Variants in TBL1XR1 observed in about 807,000 individuals in gnomAD.
TBL1XR1 encodes F-box-like/WD repeat-containing protein TBL1XR1.
In TBL1XR1, 5 loss-of-function variants were observed where a neutral mutation model predicts 66.9. The observed-to-expected ratio is 0.07, with a 90% CI of 0.04 to 0.16. The LOEUF (loss-of-function observed/expected upper bound fraction) is 0.16. Ranked by LOEUF, TBL1XR1 falls within the 10% of genes least tolerant of loss-of-function variation. The probability of loss-of-function intolerance (pLI) is 1.00; values close to 1 mark genes in which losing one functional copy is unlikely to be tolerated. For missense variants in TBL1XR1, 238 were observed against 623.2 expected (o/e 0.38, Z 6.58); for synonymous variants, 210 against 206.0 (o/e 1.02, Z -0.17).
At chr3:177,053,367 A>C (rs1379597392) in intron 4 of TBL1XR1, among the ~76,000 whole-genome samples, 1 of 152,160 alleles carries the variant, frequency 6.6e-6, no homozygotes, top group East Asian at 1.9e-4. Context: ...AGCCAAACAA[A>C]CTACTCACAT....
chr3:177,168,259 A>C (rs1733058216), intron 1 of TBL1XR1, among the ~76,000 whole-genome samples: 1 of 151,022 alleles, frequency 6.6e-6, no homozygotes, highest in African/African-American at 2.4e-5. Context: ...AAGAATCAAC[A>C]TGGAAGAAAA....
intron 2 of TBL1XR1, among the ~76,000 whole-genome samples, chr3:177,071,243 A>C (rs1351299517): frequency 6.6e-6 from 1 of 152,028 alleles, no homozygotes; most frequent in Admixed American, 6.6e-5. Flanking sequence ...AAGAATCTCA[A>C]AGAGTGGAAC....
At chr3:177,155,025 C>A (rs1480967342) in intron 1 of TBL1XR1, among the ~76,000 whole-genome samples, 1 of 151,866 alleles carries the variant, frequency 6.6e-6, no homozygotes, top group Non-Finnish European at 1.5e-5. Flanking sequence ...AACAAAGGCT[C>A]AAAGAAGAAA....
At chr3:177,184,809 A>T (rs1330331944) in intron 1 of TBL1XR1, among the ~76,000 whole-genome samples, 1 of 152,142 alleles carries the variant, frequency 6.6e-6, no homozygotes, top group Non-Finnish European at 1.5e-5. Context: ...TCAAAAAAAA[A>T]AAAAAATCAT....
intron 1 of TBL1XR1, among the ~76,000 whole-genome samples, chr3:177,129,793 G>A (rs1187636857): frequency 6.6e-6 from 1 of 152,102 alleles, no homozygotes; most frequent in East Asian, 1.9e-4. Flanking sequence ...ACACACTGGT[G>A]GTAGAAATAT....
intron 1 of TBL1XR1, among the ~76,000 whole-genome samples, chr3:177,143,733 A>T (rs1251891300): frequency 1.3e-5 from 2 of 152,244 alleles, no homozygotes; most frequent in African/African-American, 4.8e-5. Flanking sequence ...TTTAGGTTTC[A>T]ATTCAGTGAG....
intron 10 of TBL1XR1, among the ~76,000 whole-genome samples, chr3:177,042,744 T>C (rs1286283455): frequency 1.3e-5 from 2 of 152,148 alleles, no homozygotes; most frequent in Non-Finnish European, 2.9e-5. Context: ...GAAAACTTAA[T>C]TTTCCCAGTT....
At chr3:177,088,590 A>C (rs1467403105) in intron 2 of TBL1XR1, among the ~76,000 whole-genome samples, 1 of 152,182 alleles carries the variant, frequency 6.6e-6, no homozygotes, top group Admixed American at 6.5e-5. Flanking sequence ...TTCACGTGAT[A>C]CTACAGTCTT....
chr3:177,157,297 G>GCATT (rs1446984536), intron 1 of TBL1XR1, among the ~76,000 whole-genome samples: 1 of 152,190 alleles, frequency 6.6e-6, no homozygotes, highest in African/African-American at 2.4e-5. Context: ...GGAGGCACCA[G>GCATT]CATTCCCTTG....
chr3:177,072,039 C>T (rs572480249), intron 2 of TBL1XR1, among the ~76,000 whole-genome samples: 16 of 152,308 alleles, frequency 1.1e-4, no homozygotes, highest in African/African-American at 3.6e-4. Flanking sequence ...ATGTGCCCTA[C>T]CCAGTCAAGT....
intron 1 of TBL1XR1, among the ~76,000 whole-genome samples, chr3:177,130,461 G>A (rs984541812): frequency 6.6e-6 from 1 of 152,130 alleles, no homozygotes; most frequent in Non-Finnish European, 1.5e-5. Flanking sequence ...AATAAAAGCA[G>A]TGCATATAAT....
rs1473423920 is a variant in TBL1XR1, at chr3:177,021,589, C to A, written c.*3909G>T. On this transcript the variant is annotated 3_prime_UTR_variant, in exon 16 of 16. Transcript: ENST00000457928. ...AAAACTGATATTAAATGTGACACTT[C>A]AGAGCTACTACTGGAAGGAGTAATT... is the stretch of plus-strand genomic sequence containing the variant. 6.6e-6 allele frequency: 1 copy of A among 152,558 alleles called. No homozygotes were observed. Among genetic ancestry groups the A allele is most frequent in the Admixed American group, 6.6e-5 (1 of 15,254 alleles). The allele number at this position is 152,558 out of a possible 1,614,324, so 9.5% of individuals were successfully genotyped here. A position where few individuals can be genotyped will look rare whatever the true frequency, so the allele number is the denominator to read the frequency against.
chr3:177,084,090 A>G (rs1387572409), intron 2 of TBL1XR1, among the ~76,000 whole-genome samples: 1 of 142,728 alleles, frequency 7.0e-6, no homozygotes, highest in African/African-American at 2.5e-5. Flanking sequence ...TCCGTCTCAA[A>G]AAAAAAAAAA....
chr3:177,138,036 A>G (rs575215940), intron 1 of TBL1XR1, among the ~76,000 whole-genome samples: 5 of 152,330 alleles, frequency 3.3e-5, no homozygotes, highest in African/African-American at 9.6e-5. Context: ...GATAAATTCT[A>G]AAGAATTTTG....
intron 1 of TBL1XR1, among the ~76,000 whole-genome samples, chr3:177,116,227 A>G (rs1726294585): frequency 6.6e-6 from 1 of 152,152 alleles, no homozygotes; most frequent in Admixed American, 6.6e-5. Context: ...AATGCATTGC[A>G]AATTTTCTAT....
chr3:177,115,692 T>C (rs80160477), intron 1 of TBL1XR1, among the ~76,000 whole-genome samples: 111 of 152,302 alleles, frequency 7.3e-4, no homozygotes, highest in African/African-American at 2.6e-3. Context: ...TAATTGAACA[T>C]CATTGGATAT....
At chr3:177,032,779 A>G (rs1015464442) in intron 14 of TBL1XR1, 192 bp downstream of exon 14, 4 of 431,216 alleles carry the variant, frequency 9.3e-6, no homozygotes, top group Non-Finnish European at 1.6e-5. Flanking sequence ...AATAAAACAA[A>G]TGATCAAAAT....
intron 1 of TBL1XR1, among the ~76,000 whole-genome samples, chr3:177,139,322 G>T (rs1008228719): frequency 5.3e-5 from 8 of 152,216 alleles, no homozygotes; most frequent in African/African-American, 1.9e-4. Flanking sequence ...AGAAGTTCGA[G>T]ACCAGCCTGG....
chr3:177,034,365 A>G, intron 12 of TBL1XR1, 40 bp from the exon 13 acceptor site: 2 of 1,377,822 alleles, frequency 1.5e-6, no homozygotes, highest in Non-Finnish European at 1.9e-6. Context: ...ATTTTTCCAT[A>G]CAATGAGTAT....
Sources: allele counts gnomAD v4.1 joint callset (sites outside exome capture counted in the v4.1 genomes callset), GRCh38; gene constraint gnomAD v4.1.1; transcripts MANE v1.5; gene names NCBI Gene and HGNC (gene_info 2026-07-23, HGNC 2026-07-21).